Variants in PHLDB2 observed in about 807,000 individuals in gnomAD.
The protein encoded by PHLDB2 is pleckstrin homology like domain family B member 2.
In PHLDB2, 71 loss-of-function variants were observed where a neutral mutation model predicts 123.6. The ratio of observed to expected loss-of-function variants is 0.57; its 90% CI spans 0.47 to 0.70. The LOEUF (loss-of-function observed/expected upper bound fraction) is 0.70. Among genes scored for constraint, PHLDB2 ranks in the 30% least tolerant of loss-of-function variants. PHLDB2 has a pLI of 0.00. For synonymous variants in PHLDB2, 547 were observed against 541.6 expected, an observed-to-expected ratio of 1.01 and a Z score of -0.14; for missense variants, 1,446 against 1,519.5, an observed-to-expected ratio of 0.95 and a Z score of 0.80.
intron 2 of PHLDB2, among the ~76,000 whole-genome samples, chr3:111,903,589 T>C (rs143430183): frequency 2.0e-5 from 3 of 152,314 alleles, no homozygotes; most frequent in Admixed American, 1.3e-4. Context: ...CTGAAAATAA[T>C]TGGGTCTAGT....
At chr3:111,831,017 GAAAGAAAGAAAGAAAGGAAGGAAGGAAGA>G (rs2062990320) in intron 1 of PHLDB2, among the ~76,000 whole-genome samples, 2 of 109,768 alleles carry the variant, frequency 1.8e-5, no homozygotes, top group African/African-American at 8.8e-5. Context: ...AAGAAAGAAA[GAAAGAAAGAAAGAAAGGAAGGAAGGAAGA>G]AAGAGAAAAG....
chr3:111,834,887 T>G (rs1338118817), intron 1 of PHLDB2, among the ~76,000 whole-genome samples: 1 of 152,132 alleles, frequency 6.6e-6, no homozygotes. Flanking sequence ...ACACTGACTT[T>G]AGCTTCGGAA....
intron 1 of PHLDB2, among the ~76,000 whole-genome samples, chr3:111,880,555 C>T (rs1169824703): frequency 2.0e-5 from 3 of 152,114 alleles, no homozygotes; most frequent in Non-Finnish European, 4.4e-5. Flanking sequence ...TCAGGGTTAG[C>T]GGCTTTATAG....
At chr3:111,960,486 C>T (rs990199790) in intron 12 of PHLDB2, among the ~76,000 whole-genome samples, 1 of 152,162 alleles carries the variant, frequency 6.6e-6, no homozygotes, top group Non-Finnish European at 1.5e-5. Flanking sequence ...ACTCCAAATA[C>T]TAATGGTGTG....
intron 1 of PHLDB2, among the ~76,000 whole-genome samples, chr3:111,802,912 A>G (rs563238892): frequency 2.2e-4 from 33 of 152,346 alleles, no homozygotes; most frequent in Admixed American, 1.2e-3. Flanking sequence ...TAGATAATTA[A>G]TCATCTTTAA....
chr3:111,942,998 C>A (rs780727970), intron 8 of PHLDB2, among the ~76,000 whole-genome samples: 14 of 151,998 alleles, frequency 9.2e-5, no homozygotes, highest in Non-Finnish European at 1.9e-4. Flanking sequence ...GTTCAGTATT[C>A]ACTAATTTCA....
At chr3:111,897,731 T>TCATCTTTTC (rs1483348543) in intron 2 of PHLDB2, among the ~76,000 whole-genome samples, 1 of 152,198 alleles carries the variant, frequency 6.6e-6, no homozygotes. Flanking sequence ...CTATGAAAGG[T>TCATCTTTTC]CATCTTTTCC....
chr3:111,929,242 G>T (rs13061769), intron 5 of PHLDB2, among the ~76,000 whole-genome samples: 27,081 of 152,112 alleles, frequency 0.18, 2,645 homozygotes, highest in South Asian at 0.23. Flanking sequence ...ATCCAGCCTG[G>T]ATGACAGAGT....
chr3:111,936,542 T>C (rs712507), intron 6 of PHLDB2, among the ~76,000 whole-genome samples: 104,719 of 152,112 alleles, frequency 0.69, 36,412 homozygotes, highest in South Asian at 0.83. Flanking sequence ...CAGATGATTA[T>C]GTCAGTGGAG....
intron 12 of PHLDB2, among the ~76,000 whole-genome samples, chr3:111,954,547 AT>A (rs906068594): frequency 7.9e-5 from 12 of 151,368 alleles, no homozygotes; most frequent in African/African-American, 2.2e-4. Context: ...GACTCTCAGC[AT>A]TTTTTTTTGT....
At chr3:111,945,433 T>G (rs925312311) in intron 9 of PHLDB2, 76 bp downstream of exon 9, 1 of 1,130,952 alleles carries the variant, frequency 8.8e-7, no homozygotes, top group Non-Finnish European at 1.3e-6. Flanking sequence ...TTTGATTAGC[T>G]GAATAATAAA....
At chr3:111,906,707 A>G (rs1002151298) in intron 2 of PHLDB2, among the ~76,000 whole-genome samples, 1 of 152,326 alleles carries the variant, frequency 6.6e-6, no homozygotes, top group Admixed American at 6.5e-5. Context: ...GAGAATAGGC[A>G]TTAGCATACA....
intron 1 of PHLDB2, among the ~76,000 whole-genome samples, chr3:111,829,804 A>C (rs2062849619): frequency 6.6e-6 from 1 of 152,008 alleles, no homozygotes; most frequent in Non-Finnish European, 1.5e-5. Flanking sequence ...ATATTATTTA[A>C]CTAGGTTCTA....
At chr3:111,880,165 C>T (rs1025907916) in intron 1 of PHLDB2, among the ~76,000 whole-genome samples, 2 of 152,000 alleles carry the variant, frequency 1.3e-5, no homozygotes, top group South Asian at 2.1e-4. Flanking sequence ...ATGGTGTTGT[C>T]AATAGGGTAA....
chr3:111,799,769 G>A (rs1459208786), intron 1 of PHLDB2, among the ~76,000 whole-genome samples: 2 of 152,112 alleles, frequency 1.3e-5, no homozygotes, highest in East Asian at 1.9e-4. Flanking sequence ...ACAATGTTAT[G>A]TATTCATCAG....
At chr3:111,912,076 G>C (rs2067914755) in intron 2 of PHLDB2, among the ~76,000 whole-genome samples, 1 of 152,226 alleles carries the variant, frequency 6.6e-6, no homozygotes, top group African/African-American at 2.4e-5. Context: ...TGGAGAGCGT[G>C]TGAAGCCTCT....
upstream of PHLDB2, chr3:111,859,153 C>T: frequency 1.0e-6 from 1 of 984,026 alleles, no homozygotes; most frequent in Non-Finnish European, 1.2e-6. Context: ...GTGCGGTCAC[C>T]TGGAGTTTCC....
At chr3:111,769,129 C>T (rs1432007307) in intron 1 of PHLDB2, among the ~76,000 whole-genome samples, 1 of 152,186 alleles carries the variant, frequency 6.6e-6, no homozygotes, top group Non-Finnish European at 1.5e-5. Context: ...GAGAGCAGCA[C>T]TCATCAGTTA....
intron 1 of PHLDB2, among the ~76,000 whole-genome samples, chr3:111,781,410 C>A (rs1332671934): frequency 6.6e-6 from 1 of 152,066 alleles, no homozygotes; most frequent in African/African-American, 2.4e-5. Context: ...GTATTACATT[C>A]TGTATCCACA....
Sources: allele counts gnomAD v4.1 joint callset (sites outside exome capture counted in the v4.1 genomes callset), GRCh38; gene constraint gnomAD v4.1.1; transcripts MANE v1.5; gene names NCBI Gene and HGNC (gene_info 2026-07-23, HGNC 2026-07-21).